The following NECAB2 variants were observed in gnomAD, a reference collection of about 807,000 sequenced individuals.
NECAB2 encodes the protein N-terminal EF-hand calcium binding protein 2, also known as N-terminal EF-hand calcium-binding protein 2.
A neutral mutation model predicts 51.9 loss-of-function variants in NECAB2; 68 were observed. The ratio of observed to expected loss-of-function variants is 1.31; its 90% confidence interval spans 1.08 to 1.60. NECAB2 has a LOEUF of 1.60. Among genes scored for constraint, NECAB2 ranks in the 40% most tolerant of loss-of-function variants. The pLI, the probability that NECAB2 is intolerant of heterozygous loss-of-function variation, is 0.00. For missense variants in NECAB2, 854 were observed against 490.3 expected (o/e 1.74, Z -7.00); for synonymous variants, 329 against 203.5 (o/e 1.62, Z -5.25).
At chr16:83,995,041 T>C (rs144373825) in intron 8 of NECAB2, among the ~76,000 whole-genome samples, 118 of 152,282 alleles carry the variant, frequency 7.7e-4, no homozygotes, top group East Asian at 4.1e-3. Flanking sequence ...GGAGCAGATA[T>C]TGGCCGAAAG....
At chr16:83,994,266 C>A in intron 6 of NECAB2, 36 bp from the exon 7 acceptor site, 2 of 1,600,968 alleles carry the variant, frequency 1.2e-6, no homozygotes, top group Admixed American at 1.7e-5. Context: ...CTGAAGCCAC[C>A]GCCATGGTCT....
At chr16:83,980,253 G>C (rs2084468529) in intron 3 of NECAB2, among the ~76,000 whole-genome samples, 1 of 152,194 alleles carries the variant, frequency 6.6e-6, no homozygotes, top group Non-Finnish European at 1.5e-5. Flanking sequence ...AACCACCATA[G>C]TTCCCAGCAC....
At chr16:83,967,816 T>G (rs1597188250), upstream of NECAB2, among the ~76,000 whole-genome samples, 1 of 108,916 alleles carries the variant, frequency 9.2e-6, no homozygotes, top group South Asian at 3.2e-4. Context: ...AGTGGGTGGG[T>G]GAATGGATGG....
intron 2 of NECAB2, among the ~76,000 whole-genome samples, chr16:83,976,219 G>T (rs893098154): frequency 1.3e-5 from 2 of 152,180 alleles, no homozygotes; most frequent in African/African-American, 4.8e-5. Flanking sequence ...CCCACCCCCT[G>T]CTGGGTAGGT....
chr16:83,977,988 C>G (rs1359146032), intron 2 of NECAB2, among the ~76,000 whole-genome samples: 2 of 152,172 alleles, frequency 1.3e-5, no homozygotes, highest in Non-Finnish European at 2.9e-5. Flanking sequence ...TGACATGGGA[C>G]AAGTTGCTCA....
chr16:83,995,961 C>T (rs916394718), intron 8 of NECAB2, among the ~76,000 whole-genome samples: 5 of 152,240 alleles, frequency 3.3e-5, no homozygotes, highest in African/African-American at 4.8e-5. Context: ...CCCTAACAAC[C>T]AGGCTGGCTG....
chr16:84,000,476 C>G (rs201232436), intron 10 of NECAB2, among the ~76,000 whole-genome samples: 2 of 152,116 alleles, frequency 1.3e-5, no homozygotes, highest in Admixed American at 6.5e-5. Context: ...GAGTGAGACC[C>G]TATCTCAAAA....
intron 3 of NECAB2, among the ~76,000 whole-genome samples, chr16:83,980,029 C>G (rs921068855): frequency 2.0e-5 from 3 of 152,178 alleles, no homozygotes; most frequent in African/African-American, 7.2e-5. Context: ...ATGCAGAGCC[C>G]CCGAGTGCAG....
chr16:83,988,878 C>T (rs1021898790), intron 5 of NECAB2, among the ~76,000 whole-genome samples: 7 of 152,246 alleles, frequency 4.6e-5, no homozygotes, highest in East Asian at 3.9e-4. Flanking sequence ...GGCACGTGTA[C>T]CCCTGTGTCA....
At chr16:83,972,733 C>T (rs998557080) in intron 2 of NECAB2, among the ~76,000 whole-genome samples, 2 of 152,202 alleles carry the variant, frequency 1.3e-5, no homozygotes, top group Non-Finnish European at 2.9e-5. Flanking sequence ...CTTTCTCTCT[C>T]AGCCTCTTTA....
intron 2 of NECAB2, among the ~76,000 whole-genome samples, chr16:83,977,267 C>T (rs1295736083): frequency 2.0e-5 from 3 of 152,098 alleles, no homozygotes; most frequent in Non-Finnish European, 4.4e-5. Flanking sequence ...ATGCCACTCA[C>T]ATAGTTTCTC....
At chr16:83,976,985 G>A (rs1170880957) in intron 2 of NECAB2, among the ~76,000 whole-genome samples, 1 of 152,236 alleles carries the variant, frequency 6.6e-6, no homozygotes, top group South Asian at 2.1e-4. Flanking sequence ...CAGGTTGTGC[G>A]CTGCACAAGG....
chr16:83,979,494 T>C (rs2084457565), intron 3 of NECAB2, among the ~76,000 whole-genome samples: 1 of 152,114 alleles, frequency 6.6e-6, no homozygotes, highest in African/African-American at 2.4e-5. Flanking sequence ...GATACCATCC[T>C]CTGGGAAAGG....
Position 83,988,826 on chromosome 16 carries a change from C to T in NECAB2, c.460-1668C>T, listed in dbSNP as rs530453728. Among the ~76,000 whole-genome samples the T allele has an allele frequency of 2.4e-5, 3 of 124,654 alleles. No homozygotes were observed. The East Asian group carries it at 5.9e-4, about 24-fold the overall frequency. 81.8% of individuals were successfully genotyped at this position (124,654 alleles called of 152,430 possible). The stretch of plus-strand genomic sequence containing the variant: ...GAGCTGGTCTCTTGTCTGAGGCAAG[C>T]TCAGTCCCCCCCCATTATGTAATAT... On this transcript the variant is annotated intron_variant, in intron 5 of 12. Coordinates refer to ENST00000305202, the MANE Select transcript of NECAB2 (RefSeq NM_019065.3).
At chr16:83,972,701 C>G (rs763871738) in intron 2 of NECAB2, among the ~76,000 whole-genome samples, 1 of 152,200 alleles carries the variant, frequency 6.6e-6, no homozygotes, top group African/African-American at 2.4e-5. Context: ...GGAGGCTCTC[C>G]TGAAGACCGG....
rs537480193 is a variant in NECAB2, at chr16:83,997,153, C to T, written c.796-63C>T. ...CAACAGCCCCAGGGATCCCAGAGCT[C>T]CTGGCTCCCCGGGGCGGAGTGGGGC... On this transcript the variant is annotated intron_variant, in intron 8 of 12. Coordinates refer to ENST00000305202, the MANE Select transcript of NECAB2 (RefSeq NM_019065.3). The T allele has an allele frequency of 3.7e-6, 6 of 1,608,262 alleles. No homozygotes were observed. The South Asian group carries it at 5.5e-5, about 15-fold the overall frequency.
chr16:83,971,424 A>T (rs1462890489), intron 1 of NECAB2: 1 of 152,222 alleles, frequency 6.6e-6, no homozygotes, highest in African/African-American at 2.4e-5. Flanking sequence ...TCAGCCTGGC[A>T]AGCAGCACCT....
At position 83,984,690 on chromosome 16, in the gene NECAB2, G is replaced by A. The variant is rs569083372; in HGVS notation, c.459+3563G>A. Among the ~76,000 whole-genome samples the A allele has an allele frequency of 9.2e-5, 14 of 152,170 alleles. 1 individual carries two copies. The South Asian group carries it at 2.7e-3, about 29-fold the overall frequency. The stretch of plus-strand genomic sequence containing the variant: ...AGGCTGCAGTGAGGCACAGCATGCC[G>A]CTGCAACCCAACCTGGGTGACAAGA... On this transcript the variant is annotated intron_variant, in intron 5 of 12. Coordinates refer to ENST00000305202, the MANE Select transcript of NECAB2 (RefSeq NM_019065.3).
chr16:83,990,761 G>C (rs1439141611), intron 6 of NECAB2, 131 bp downstream of exon 6: 2 of 1,151,132 alleles, frequency 1.7e-6, no homozygotes, highest in African/African-American at 3.1e-5. Flanking sequence ...ACAGCTCTTT[G>C]TGCCTTTGGT....
Sources: gnomAD v4.1 joint callset for allele counts (sites outside exome capture counted in the v4.1 genomes callset) on GRCh38, gnomAD v4.1.1 for gene constraint, MANE v1.5 for transcripts, NCBI Gene and HGNC (gene_info 2026-07-23, HGNC 2026-07-21) for gene names.